SLC8A1: variants seen among roughly 807,000 people sequenced by gnomAD.
The protein encoded by SLC8A1 is sodium/calcium exchanger 1.
In SLC8A1, 18 loss-of-function variants were observed where a neutral mutation model predicts 68.3. That is an observed-to-expected ratio of 0.26 (90% CI 0.18 to 0.39). The LOEUF (loss-of-function observed/expected upper bound fraction) is 0.39, where lower values mean the gene tolerates loss of function less well. Among genes scored for constraint, SLC8A1 ranks in the 10% least tolerant of loss-of-function variants. SLC8A1 has a pLI of 1.00. For synonymous variants in SLC8A1, 475 were observed against 415.5 expected, an observed-to-expected ratio of 1.14 and a Z score of -1.74; for missense variants, 985 against 1,156.7, an observed-to-expected ratio of 0.85 and a Z score of 2.15.
At chr2:40,285,863 ATTTC>A (rs1305688514) in intron 2 of SLC8A1, among the ~76,000 whole-genome samples, 1 of 152,138 alleles carries the variant, frequency 6.6e-6, no homozygotes, top group Non-Finnish European at 1.5e-5. Context: ...TGTGCTTGCC[ATTTC>A]TTTCTTTCAT....
chr2:40,289,270 T>TTTG, intron 2 of SLC8A1, among the ~76,000 whole-genome samples: 1 of 152,190 alleles, frequency 6.6e-6, no homozygotes, highest in Non-Finnish European at 1.5e-5. Flanking sequence ...AAAAATATTG[T>TTTG]TAAACTATTT....
At chr2:40,383,676 A>G (rs986502294) in intron 2 of SLC8A1, among the ~76,000 whole-genome samples, 1 of 152,150 alleles carries the variant, frequency 6.6e-6, no homozygotes. Flanking sequence ...TACATAAACA[A>G]GTATTAAATA....
exon 5 of SLC8A1, chr2:40,164,970 T>G: frequency 6.2e-7 from 1 of 1,613,866 alleles, no homozygotes; most frequent in South Asian, 1.1e-5. Context: ...AGTGGCTGCT[T>G]GTCATCATAT....
At chr2:40,126,319 G>T (rs144608739) in intron 7 of SLC8A1, among the ~76,000 whole-genome samples, 5 of 152,296 alleles carry the variant, frequency 3.3e-5, no homozygotes, top group Admixed American at 2.6e-4. Context: ...TTTTATGTGT[G>T]TGTGTTAAAT....
At chr2:40,300,732 T>A (rs899644178) in intron 2 of SLC8A1, among the ~76,000 whole-genome samples, 4 of 152,024 alleles carry the variant, frequency 2.6e-5, no homozygotes, top group Non-Finnish European at 5.9e-5. Flanking sequence ...AGGAGCAAAG[T>A]CAGGAAAAGG....
chr2:40,196,242 A>C (rs925107869), intron 2 of SLC8A1, among the ~76,000 whole-genome samples: 2 of 152,058 alleles, frequency 1.3e-5, no homozygotes, highest in African/African-American at 4.8e-5. Flanking sequence ...AAGAGTTTTA[A>C]TACAAAAGAG....
intron 2 of SLC8A1, among the ~76,000 whole-genome samples, chr2:40,355,805 G>C (rs1298538138): frequency 6.6e-6 from 1 of 152,080 alleles, no homozygotes; most frequent in African/African-American, 2.4e-5. Flanking sequence ...TGCTTTCTCT[G>C]GTATTATGTG....
At chr2:40,238,731 A>G (rs886609283) in intron 2 of SLC8A1, among the ~76,000 whole-genome samples, 1 of 152,150 alleles carries the variant, frequency 6.6e-6, no homozygotes, top group Non-Finnish European at 1.5e-5. Flanking sequence ...GTTAAGTATG[A>G]GTTTCTATTA....
At chr2:40,365,932 G>T (rs961750659) in intron 2 of SLC8A1, among the ~76,000 whole-genome samples, 12 of 151,298 alleles carry the variant, frequency 7.9e-5, no homozygotes, top group African/African-American at 2.9e-4. Flanking sequence ...GGAGTTCAAA[G>T]CTTCAATGAG....
rs72796674 is a variant in SLC8A1, at chr2:40,304,470, C to A, written c.1808+124003G>T. On this transcript the variant is annotated intron_variant, in intron 2 of 7. Transcript: ENST00000406785. The stretch of plus-strand genomic sequence containing the variant: ...TGAGTAACTTGATTCTCCTAATGAA[C>A]CTGAGCCACCCAGACGATGGAATGA... 1.6e-4 allele frequency among the ~76,000 whole-genome samples: 25 copies of A among 152,270 alleles called. 1 individual carries two copies. Among genetic ancestry groups the A allele is most frequent in the African/African-American group, 5.8e-4 (24 of 41,550 alleles).
At position 40,243,076 on chromosome 2, in the gene SLC8A1, A is replaced by C. The variant is rs193030525; in HGVS notation, c.1809-65221T>G. 2.8e-3 allele frequency among the ~76,000 whole-genome samples: 424 copies of C among 152,368 alleles called. 3 individuals carry two copies. Among genetic ancestry groups the C allele is most frequent in the African/African-American group, 9.9e-3 (413 of 41,588 alleles). Reference sequence around the variant, plus strand: ...GAATGTCCAGTAAAAGCAGGAATACAGACATTGAAGGCTCATTTCATTGCC... The same window carrying C: ...GAATGTCCAGTAAAAGCAGGAATACCGACATTGAAGGCTCATTTCATTGCC... On this transcript the variant is annotated intron_variant, in intron 2 of 7. Transcript: ENST00000406785.
At chr2:40,275,905 A>C (rs73926149) in intron 2 of SLC8A1, among the ~76,000 whole-genome samples, 3,932 of 152,226 alleles carry the variant, frequency 0.026, 166 homozygotes, top group African/African-American at 0.087. Context: ...CTCTCCTGCA[A>C]GTGGGACCCC....
chr2:40,164,671 C>T (rs2046251850), intron 5 of SLC8A1, among the ~76,000 whole-genome samples, 183 bp downstream of exon 8: 1 of 152,158 alleles, frequency 6.6e-6, no homozygotes, highest in South Asian at 2.1e-4. Context: ...GTTTACAGGA[C>T]TCCTTGGTTC....
intron 6 of SLC8A1, among the ~76,000 whole-genome samples, chr2:40,146,062 A>G (rs1164142858): frequency 6.6e-6 from 1 of 152,202 alleles, no homozygotes; most frequent in East Asian, 1.9e-4. Context: ...AAAGTAGATG[A>G]TGTCAACAAC....
At chr2:40,174,253 T>C (rs1282144989) in intron 4 of SLC8A1, among the ~76,000 whole-genome samples, 2 of 152,088 alleles carry the variant, frequency 1.3e-5, no homozygotes, top group African/African-American at 2.4e-5. Context: ...TTAAAATTTA[T>C]GTGTTAAAGT....
intron 4 of SLC8A1, 122 bp from the exon 8 acceptor site, chr2:40,165,106 T>G: frequency 8.2e-7 from 1 of 1,215,256 alleles, no homozygotes; most frequent in African/African-American, 1.5e-5. Context: ...GCCCCCTGGG[T>G]GAGATCACGA....
At chr2:40,319,867 C>A (rs1575373727) in intron 2 of SLC8A1, among the ~76,000 whole-genome samples, 1 of 152,074 alleles carries the variant, frequency 6.6e-6, no homozygotes, top group Non-Finnish European at 1.5e-5. Flanking sequence ...CAATTTTGCT[C>A]CTCCTTCTGT....
intron 2 of SLC8A1, among the ~76,000 whole-genome samples, chr2:40,343,076 T>A (rs1369945965): frequency 6.6e-6 from 1 of 152,066 alleles, no homozygotes; most frequent in East Asian, 1.9e-4. Context: ...ATTATTTTTT[T>A]CTTTCTCGGG....
intron 2 of SLC8A1, among the ~76,000 whole-genome samples, chr2:40,354,548 CTTGGCAG>C (rs1456960395): frequency 6.6e-6 from 1 of 152,128 alleles, no homozygotes. Flanking sequence ...TAGTTGATGG[CTTGGCAG>C]AAGCTGAATG....
Sources: allele counts gnomAD v4.1 joint callset (sites outside exome capture counted in the v4.1 genomes callset), GRCh38; gene constraint gnomAD v4.1.1; transcripts MANE v1.5; gene names NCBI Gene and HGNC (gene_info 2026-07-23, HGNC 2026-07-21).